Variants in KCNH7 observed in about 807,000 individuals in gnomAD.
The protein encoded by KCNH7 is voltage-gated inwardly rectifying potassium channel KCNH7.
In KCNH7, 49 loss-of-function variants were observed where a neutral mutation model predicts 120.8. That is an observed-to-expected ratio of 0.41 (90% CI 0.32 to 0.51). The LOEUF is 0.51. Ranked by LOEUF, KCNH7 falls within the 20% of genes least tolerant of loss-of-function variation. The pLI is 0.38. For missense variants in KCNH7, 1,097 were observed against 1,446.6 expected (o/e 0.76, Z 3.92); for synonymous variants, 547 against 516.1 (o/e 1.06, Z -0.81).
At chr2:162,800,500 T>A (rs2105541592) in intron 2 of KCNH7, among the ~76,000 whole-genome samples, 1 of 151,848 alleles carries the variant, frequency 6.6e-6, no homozygotes, top group South Asian at 2.1e-4. Flanking sequence ...ATTAAAACAG[T>A]AACGTCACAA....
chr2:162,769,867 A>C (rs1320150980), intron 2 of KCNH7, among the ~76,000 whole-genome samples: 2 of 152,068 alleles, frequency 1.3e-5, no homozygotes, highest in Non-Finnish European at 2.9e-5. Context: ...CAAATAAGCA[A>C]ATCAGAAGGC....
At chr2:162,636,117 G>C (rs1683953717) in intron 2 of KCNH7, among the ~76,000 whole-genome samples, 1 of 151,986 alleles carries the variant, frequency 6.6e-6, no homozygotes, top group Non-Finnish European at 1.5e-5. Context: ...TTCAAATGAA[G>C]TATTTATTTA....
At chr2:162,601,801 A>G (rs1694566973) in intron 2 of KCNH7, among the ~76,000 whole-genome samples, 1 of 152,064 alleles carries the variant, frequency 6.6e-6, no homozygotes, top group South Asian at 2.1e-4. Flanking sequence ...TAACCTTTTC[A>G]TGACATGTAC....
chr2:162,576,684 A>G (rs534279815), intron 2 of KCNH7, among the ~76,000 whole-genome samples: 27 of 152,012 alleles, frequency 1.8e-4, no homozygotes, highest in Admixed American at 1.5e-3. Context: ...ACAAGAGGGT[A>G]CAACGAAAAC....
intron 8 of KCNH7, among the ~76,000 whole-genome samples, chr2:162,430,485 G>A (rs779396954): frequency 6.6e-5 from 10 of 151,900 alleles, no homozygotes; most frequent in Admixed American, 3.3e-4. Flanking sequence ...TCTTAACTCC[G>A]TAAGACTGCT....
chr2:162,807,428 C>T (rs1393190528), intron 2 of KCNH7, among the ~76,000 whole-genome samples: 1 of 151,908 alleles, frequency 6.6e-6, no homozygotes, highest in African/African-American at 2.4e-5. Flanking sequence ...TAGAGCAAGA[C>T]TCTGTCTCAA....
At chr2:162,595,493 G>C (rs542027800) in intron 2 of KCNH7, among the ~76,000 whole-genome samples, 1 of 151,996 alleles carries the variant, frequency 6.6e-6, no homozygotes, top group South Asian at 2.1e-4. Context: ...AATAAATGCA[G>C]AAAAAGCATT....
intron 2 of KCNH7, among the ~76,000 whole-genome samples, chr2:162,753,384 T>C (rs73974064): frequency 0.052 from 7,930 of 152,200 alleles, 395 homozygotes; most frequent in African/African-American, 0.13. Context: ...AAATATACCT[T>C]ATAATTTCAC....
chr2:162,811,384 C>T (rs1684728177), intron 2 of KCNH7, among the ~76,000 whole-genome samples: 1 of 152,016 alleles, frequency 6.6e-6, no homozygotes, highest in Non-Finnish European at 1.5e-5. Flanking sequence ...GTATATTTAA[C>T]ACCAAACACT....
chr2:162,677,430 C>T (rs149203433), intron 2 of KCNH7, among the ~76,000 whole-genome samples: 8 of 151,418 alleles, frequency 5.3e-5, no homozygotes, highest in Admixed American at 1.3e-4. Flanking sequence ...CATTCAAGAC[C>T]CCATCCCTCA....
At chr2:162,748,631 A>G (rs569448145) in intron 2 of KCNH7, among the ~76,000 whole-genome samples, 14 of 152,276 alleles carry the variant, frequency 9.2e-5, no homozygotes, top group African/African-American at 3.4e-4. Context: ...TTTTCTTCCA[A>G]AATTTAAGTT....
chr2:162,450,717 T>G (rs1433642900), intron 6 of KCNH7, among the ~76,000 whole-genome samples: 1 of 152,002 alleles, frequency 6.6e-6, no homozygotes, highest in African/African-American at 2.4e-5. Flanking sequence ...GTTTGAGAAT[T>G]ATTAAATATT....
intron 2 of KCNH7, among the ~76,000 whole-genome samples, chr2:162,604,325 T>C (rs1351261817): frequency 1.3e-5 from 2 of 152,078 alleles, no homozygotes; most frequent in Non-Finnish European, 2.9e-5. Context: ...TTCAATACGG[T>C]TCAATAATGG....
Position 162,773,448 on chromosome 2 carries a change from G to A in KCNH7, c.307+63089C>T, listed in dbSNP as rs1024596295. Among the ~76,000 whole-genome samples, 5 of 152,134 alleles carry A rather than the reference G, an allele frequency of 3.3e-5. No homozygotes were observed. In the South Asian group the frequency reaches 6.2e-4, roughly 19 times the overall value. On this transcript the variant is annotated intron_variant, in intron 2 of 15. Transcript: ENST00000332142. Reference sequence around the variant, plus strand: ...GGTTGCAGTGAGCCGAGATCACGCCGCTGCACTCCAGCCTCCTCGGCAACA... The same window carrying A: ...GGTTGCAGTGAGCCGAGATCACGCCACTGCACTCCAGCCTCCTCGGCAACA...
intron 2 of KCNH7, among the ~76,000 whole-genome samples, chr2:162,787,133 G>T (rs934634624): frequency 1.3e-5 from 2 of 152,170 alleles, no homozygotes; most frequent in African/African-American, 4.8e-5. Flanking sequence ...CAAGCAGTAG[G>T]CCTGCCCTAG....
At chr2:162,579,141 T>C (rs1693787924) in intron 2 of KCNH7, among the ~76,000 whole-genome samples, 1 of 151,988 alleles carries the variant, frequency 6.6e-6, no homozygotes, top group South Asian at 2.1e-4. Flanking sequence ...ATAAATAATT[T>C]GAGCAGCAAG....
At chr2:162,674,986 C>T (rs1685484886) in intron 2 of KCNH7, among the ~76,000 whole-genome samples, 1 of 151,404 alleles carries the variant, frequency 6.6e-6, no homozygotes, top group Non-Finnish European at 1.5e-5. Context: ...TTTTATTCAT[C>T]AAAACACAAC....
At position 162,812,621 on chromosome 2, in the gene KCNH7, T is replaced by C. The variant is rs900341499; in HGVS notation, c.307+23916A>G. Among the ~76,000 whole-genome samples the C allele has an allele frequency of 7.2e-5, 11 of 152,212 alleles. No homozygotes were observed. In the South Asian group the frequency reaches 2.3e-3, roughly 32 times the overall value. Reference sequence around the variant, plus strand: ...GAGAAGACAAATTTGGTTTTAGCCATGTTAATCTTGCAGTGAAGCTGAAAT... The same window carrying C: ...GAGAAGACAAATTTGGTTTTAGCCACGTTAATCTTGCAGTGAAGCTGAAAT... On this transcript the variant is annotated intron_variant, in intron 2 of 15. Coordinates refer to ENST00000332142, the MANE Select transcript of KCNH7 (RefSeq NM_033272.4).
At chr2:162,790,685 A>G (rs1193254984) in intron 2 of KCNH7, among the ~76,000 whole-genome samples, 8 of 152,104 alleles carry the variant, frequency 5.3e-5, no homozygotes, top group Admixed American at 3.3e-4. Context: ...AACATACACA[A>G]ATCAAAAATT....
Sources: allele counts gnomAD v4.1 joint callset (sites outside exome capture counted in the v4.1 genomes callset), GRCh38; gene constraint gnomAD v4.1.1; transcripts MANE v1.5; gene names NCBI Gene and HGNC (gene_info 2026-07-23, HGNC 2026-07-21).